The following SRRM4 variants were observed in gnomAD, a reference collection of about 807,000 sequenced individuals.
The protein encoded by SRRM4 is serine/arginine repetitive matrix 4.
In SRRM4, 33 loss-of-function variants were observed where a neutral mutation model predicts 68.9. That is an observed-to-expected ratio of 0.48 (90% CI 0.36 to 0.64). SRRM4 has a LOEUF of 0.64. Ranked by LOEUF, SRRM4 falls within the 30% of genes least tolerant of loss-of-function variation. The pLI is 0.00. For missense variants in SRRM4, 817 were observed against 827.1 expected (o/e 0.99, Z 0.15); for synonymous variants, 318 against 318.8 (o/e 1.00, Z 0.03).
chr12:119,102,325 C>G lies in SRRM4; in HGVS notation c.221C>G (p.Thr74Ser), dbSNP rs1954082614. 6.2e-7 allele frequency: 1 copy of G among 1,613,552 alleles called. No homozygotes were observed. ...CATCTGGCCACCGAGCCCTTGGGCA[C>G]CAACAGTTGGGAGAGAGACAAGACC... ...GQHLATEPLG[T>S]NSWERDKTCR... is the part of the protein sequence containing the mutation. Residue 74 changes from threonine (T) to serine (S), a missense_variant, in exon 2 of 13, where the codon ACC becomes AGC. Coordinates refer to ENST00000267260, the MANE Select transcript of SRRM4 (RefSeq NM_194286.4).
chr12:119,037,845 C>A (rs2393464), intron 1 of SRRM4, among the ~76,000 whole-genome samples: 17,839 of 152,212 alleles, frequency 0.12, 1,208 homozygotes, highest in East Asian at 0.26. Context: ...TTGCTGGATA[C>A]GTAAATTTGA....
chr12:119,031,791 C>T (rs1473753205), intron 1 of SRRM4, among the ~76,000 whole-genome samples: 2 of 151,372 alleles, frequency 1.3e-5, no homozygotes, highest in Non-Finnish European at 2.9e-5. Flanking sequence ...AATTTTTGCC[C>T]ATTAAAAAAA....
chr12:119,124,253 C>T (rs1954243078), intron 6 of SRRM4: 1 of 152,122 alleles, frequency 6.6e-6, no homozygotes, highest in South Asian at 2.1e-4. Context: ...ATGTGTGAGC[C>T]AGCATACATA....
At chr12:119,067,709 A>AAAAT (rs1184207637) in intron 1 of SRRM4, among the ~76,000 whole-genome samples, 1 of 152,156 alleles carries the variant, frequency 6.6e-6, no homozygotes, top group East Asian at 1.9e-4. Flanking sequence ...TTTCATTTCA[A>AAAAT]AAATAAATAA....
chr12:119,044,476 G>A (rs1008973389), intron 1 of SRRM4, among the ~76,000 whole-genome samples: 1 of 152,106 alleles, frequency 6.6e-6, no homozygotes, highest in Non-Finnish European at 1.5e-5. Context: ...GAGGAGAATG[G>A]AGTCAGAAGC....
Position 119,146,956 on chromosome 12 carries a change from C to A in SRRM4, c.1076+1271C>A, listed in dbSNP as rs145832686. On this transcript the variant is annotated intron_variant, in intron 9 of 12. Coordinates refer to ENST00000267260, the MANE Select transcript of SRRM4 (RefSeq NM_194286.4). ...ATCTCAAAAAAAAAAAAGAACATAT[C>A]ACAGTATTTACCCAAATGAATTGAA... Among the ~76,000 whole-genome samples, 519 of 152,062 alleles carry A rather than the reference C, an allele frequency of 3.4e-3. 6 individuals carry two copies. Among genetic ancestry groups the A allele is most frequent in the Non-Finnish European group, 3.8e-3 (258 of 67,986 alleles).
intron 1 of SRRM4, among the ~76,000 whole-genome samples, chr12:119,061,744 G>A (rs1410528527): frequency 6.6e-6 from 1 of 152,024 alleles, no homozygotes; most frequent in Non-Finnish European, 1.5e-5. Flanking sequence ...AGAATTTCTT[G>A]GCATTATTGA....
At chr12:119,043,521 T>G (rs2136012993) in intron 1 of SRRM4, among the ~76,000 whole-genome samples, 1 of 152,182 alleles carries the variant, frequency 6.6e-6, no homozygotes, top group East Asian at 1.9e-4. Flanking sequence ...CTGCACATCC[T>G]GCACATGTAT....
intron 1 of SRRM4, among the ~76,000 whole-genome samples, chr12:119,010,733 T>A (rs1452418088): frequency 6.6e-6 from 1 of 152,250 alleles, no homozygotes; most frequent in Non-Finnish European, 1.5e-5. Flanking sequence ...TCAAGAGTGT[T>A]TATTGCAGCC....
At chr12:118,998,268 CAAAAAAAAAA>C (rs35250419) in intron 1 of SRRM4, among the ~76,000 whole-genome samples, 33 of 36,586 alleles carry the variant, frequency 9.0e-4, no homozygotes, top group South Asian at 3.5e-3. Flanking sequence ...AGCAATATGG[CAAAAAAAAAA>C]AAAAAAAAAA....
At chr12:119,027,023 C>T (rs1237950469) in intron 1 of SRRM4, among the ~76,000 whole-genome samples, 1 of 152,122 alleles carries the variant, frequency 6.6e-6, no homozygotes, top group Non-Finnish European at 1.5e-5. Context: ...AAGAAGGAGT[C>T]ACATTTAGAT....
chr12:119,042,977 G>C lies in SRRM4; in HGVS notation c.132-59259G>C, dbSNP rs146486306. ...ATTAGTTCCACCATTGTGGGAGACA[G>C]TGTGGCAATTCCTCGAAGATCTAGA... On this transcript the variant is annotated intron_variant, in intron 1 of 12. Transcript: ENST00000267260. Among the ~76,000 whole-genome samples, 581 of 152,288 alleles carry C rather than the reference G, an allele frequency of 3.8e-3. 4 individuals carry two copies. Among genetic ancestry groups the C allele is most frequent in the African/African-American group, 0.013 (544 of 41,538 alleles).
chr12:119,147,865 A>G (rs61938057), intron 9 of SRRM4, among the ~76,000 whole-genome samples: 14,321 of 152,294 alleles, frequency 0.094, 931 homozygotes, highest in South Asian at 0.22. Context: ...CACTGAGGTT[A>G]CTGTCATCAT....
intron 1 of SRRM4, among the ~76,000 whole-genome samples, chr12:119,016,610 G>A (rs899299120): frequency 2.6e-5 from 4 of 152,062 alleles, no homozygotes; most frequent in Admixed American, 6.5e-5. Context: ...TTCAACACTC[G>A]TTACCCTGGG....
chr12:119,067,972 T>C (rs1415257820), intron 1 of SRRM4, among the ~76,000 whole-genome samples: 2 of 152,200 alleles, frequency 1.3e-5, no homozygotes, highest in Non-Finnish European at 2.9e-5. Flanking sequence ...CCCATCTATA[T>C]TGCAAGTTCT....
At chr12:119,062,656 A>G (rs1350890605) in intron 1 of SRRM4, among the ~76,000 whole-genome samples, 3 of 152,194 alleles carry the variant, frequency 2.0e-5, no homozygotes, top group Non-Finnish European at 2.9e-5. Flanking sequence ...TTAAAAACTA[A>G]GACACAAACA....
At chr12:119,122,538 G>A (rs1954228712) in intron 6 of SRRM4, among the ~76,000 whole-genome samples, 1 of 152,068 alleles carries the variant, frequency 6.6e-6, no homozygotes, top group Non-Finnish European at 1.5e-5. Context: ...TATATCTAGT[G>A]CATGCATTGT....
At chr12:119,091,305 A>G (rs1188886087) in intron 1 of SRRM4, among the ~76,000 whole-genome samples, 1 of 152,162 alleles carries the variant, frequency 6.6e-6, no homozygotes, top group Non-Finnish European at 1.5e-5. Context: ...TAGCATTTCT[A>G]GGTTCCAGGA....
intron 1 of SRRM4, among the ~76,000 whole-genome samples, chr12:119,060,544 C>T (rs1953804670): frequency 6.6e-6 from 1 of 151,650 alleles, no homozygotes; most frequent in South Asian, 2.1e-4. Context: ...TTAAGTGTTC[C>T]TTATGGCAGT....
Sources: allele counts gnomAD v4.1 joint callset (sites outside exome capture counted in the v4.1 genomes callset), GRCh38; gene constraint gnomAD v4.1.1; transcripts MANE v1.5; gene names NCBI Gene and HGNC (gene_info 2026-07-23, HGNC 2026-07-21).